The following DEAF1 variants were observed in gnomAD, a reference collection of about 807,000 sequenced individuals.
The protein encoded by DEAF1 is DEAF1 transcription factor.
DEAF1 carries 53 observed loss-of-function variants against 58.9 expected under a neutral mutation model. The ratio of observed to expected loss-of-function variants is 0.90; its 90% CI spans 0.72 to 1.13. DEAF1 has a LOEUF of 1.13. Among genes scored for constraint, DEAF1 ranks in the 50% most tolerant of loss-of-function variants. DEAF1 has a pLI of 0.00. For missense variants in DEAF1, 685 were observed against 791.4 expected, an observed-to-expected ratio of 0.87 and a Z score of 1.61; for synonymous variants, 385 against 340.4, an observed-to-expected ratio of 1.13 and a Z score of -1.44.
At chr11:675,802 AGAGT>A (rs1860021292) in intron 9 of DEAF1, among the ~76,000 whole-genome samples, 1 of 152,100 alleles carries the variant, frequency 6.6e-6, no homozygotes, top group South Asian at 2.1e-4. Flanking sequence ...CCTGGGTGAC[AGAGT>A]GAGACTCCAT....
chr11:672,329 G>A (rs189293041), intron 10 of DEAF1, among the ~76,000 whole-genome samples: 40 of 151,838 alleles, frequency 2.6e-4, no homozygotes, highest in Non-Finnish European at 3.7e-4. Flanking sequence ...GAGAATCACC[G>A]TTCATTATGT....
At chr11:671,244 C>T (rs1368305182) in intron 10 of DEAF1, among the ~76,000 whole-genome samples, 1 of 150,090 alleles carries the variant, frequency 6.7e-6, no homozygotes, top group Non-Finnish European at 1.5e-5. Flanking sequence ...TTTTTTGAGA[C>T]AGAGTCTTGC....
intron 1 of DEAF1, chr11:703,416 A>G: frequency 2.3e-6 from 3 of 1,311,146 alleles, no homozygotes; most frequent in Non-Finnish European, 2.9e-6. Context: ...AGGAGCGCAC[A>G]CTCAGCCCTG....
chr11:700,979 A>C, intron 1 of DEAF1: 1 of 434,652 alleles, frequency 2.3e-6, no homozygotes, highest in South Asian at 2.3e-5. Context: ...TGGCACTGAG[A>C]TCAGAAAAGC....
At chr11:672,943 G>GT (rs1859895052) in intron 10 of DEAF1, among the ~76,000 whole-genome samples, 1 of 152,096 alleles carries the variant, frequency 6.6e-6, no homozygotes, top group Non-Finnish European at 1.5e-5. Context: ...GAGGTCAGGA[G>GT]TTTAAGACCA....
At chr11:677,751 G>A (rs569694117) in intron 9 of DEAF1, among the ~76,000 whole-genome samples, 3,643 of 53,812 alleles carry the variant, frequency 0.068, 699 homozygotes, top group East Asian at 0.19. Flanking sequence ...TCAGGAGTTT[G>A]AGACCAGCCT....
chr11:666,078 G>A (rs1859509935), intron 10 of DEAF1: 1 of 152,114 alleles, frequency 6.6e-6, no homozygotes, highest in Non-Finnish European at 1.5e-5. Flanking sequence ...ACCTTCACAA[G>A]TTAGAGGCTT....
chr11:654,802 G>A (rs563864603), intron 10 of DEAF1: 1 of 373,500 alleles, frequency 2.7e-6, no homozygotes. Flanking sequence ...CCAGGAGGCG[G>A]AGGTTGCAGT....
At chr11:704,409 G>A (rs746127618) in intron 1 of DEAF1, 1 of 1,270,952 alleles carries the variant, frequency 7.9e-7, no homozygotes, top group Admixed American at 2.3e-5. Context: ...GTTGTCCTGG[G>A]CCGACTTCCT....
intron 10 of DEAF1, among the ~76,000 whole-genome samples, chr11:663,099 A>G (rs1008659900): frequency 2.0e-4 from 31 of 152,170 alleles, no homozygotes; most frequent in African/African-American, 7.5e-4. Context: ...ATATCTTGAG[A>G]CCACGTGTTC....
At chr11:654,262 G>A (rs1007926110) in intron 10 of DEAF1, among the ~76,000 whole-genome samples, 12 of 147,916 alleles carry the variant, frequency 8.1e-5, no homozygotes, top group Non-Finnish European at 1.8e-4. Flanking sequence ...TCCGCCTCCT[G>A]GGTTCAAGCA....
intron 5 of DEAF1, 91 bp downstream of exon 5, chr11:686,767 C>T: frequency 6.4e-7 from 1 of 1,571,788 alleles, no homozygotes; most frequent in Non-Finnish European, 8.7e-7. Flanking sequence ...TTGTCTGACC[C>T]CGTGGTCTGT....
chr11:695,136 C>A lies in DEAF1; in HGVS notation c.-89G>T. 8.0e-7 allele frequency: 1 copy of A among 1,251,640 alleles called. No individual in the cohort carries two copies. The highest frequency in any genetic ancestry group is 1.0e-6 in the Non-Finnish European group (1 of 966,818). 77.5% of individuals were successfully genotyped at this position (1,251,640 alleles called of 1,614,324 possible). The stretch of plus-strand genomic sequence containing the variant: ...CCCGAAGCGGGGCCCGAAGAGGACG[C>A]CCGAGCTGGGCCGAGGCCGCCCGAA... On this transcript the variant is annotated 5_prime_UTR_variant, in exon 1 of 12. Transcript: ENST00000382409.
At chr11:672,432 G>GT (rs1234307124) in intron 10 of DEAF1, among the ~76,000 whole-genome samples, 1 of 150,900 alleles carries the variant, frequency 6.6e-6, no homozygotes, top group Admixed American at 6.6e-5. Flanking sequence ...AGTAGAATCC[G>GT]TAACAAACCC....
chr11:680,869 T>G, intron 7 of DEAF1, 94 bp downstream of exon 7: 8 of 1,563,852 alleles, frequency 5.1e-6, no homozygotes, highest in Non-Finnish European at 7.0e-6. Flanking sequence ...GCTTTAGAAG[T>G]GAGAATCCCG....
chr11:695,774 C>T (rs943463549), upstream of DEAF1: 2 of 1,237,342 alleles, frequency 1.6e-6, no homozygotes, highest in South Asian at 3.8e-5. Flanking sequence ...AGCGCGAGCG[C>T]GCGGGCCGAG....
At chr11:668,835 G>GT (rs895730452) in intron 10 of DEAF1, among the ~76,000 whole-genome samples, 19 of 150,294 alleles carry the variant, frequency 1.3e-4, no homozygotes, top group Non-Finnish European at 2.2e-4. Context: ...AAAGTTTTTT[G>GT]TTTTTTTTTA....
intron 10 of DEAF1, among the ~76,000 whole-genome samples, chr11:654,890 G>T (rs1382952375): frequency 6.6e-6 from 1 of 150,580 alleles, no homozygotes; most frequent in East Asian, 1.9e-4. Context: ...GGAAATCAGG[G>T]CCGGATGCAG....
intron 11 of DEAF1, among the ~76,000 whole-genome samples, chr11:651,809 C>G (rs1209695341): frequency 1.3e-5 from 2 of 152,222 alleles, no homozygotes; most frequent in Non-Finnish European, 2.9e-5. Flanking sequence ...TGGCGTGAAC[C>G]TGGGAGGCGG....
Sources: gnomAD v4.1 joint callset for allele counts (sites outside exome capture counted in the v4.1 genomes callset) on GRCh38, gnomAD v4.1.1 for gene constraint, MANE v1.5 for transcripts, NCBI Gene and HGNC (gene_info 2026-07-23, HGNC 2026-07-21) for gene names.